Variants in DSEL observed in about 807,000 individuals in gnomAD.
DSEL encodes dermatan sulfate epimerase like, also known as dermatan-sulfate epimerase-like protein.
DSEL carries 61 observed loss-of-function variants against 96.6 expected under a neutral mutation model. The observed-to-expected ratio is 0.63, with a 90% CI of 0.51 to 0.78. DSEL has a LOEUF of 0.78. DSEL is among the 30% of genes least tolerant of loss of function. The pLI, the probability that DSEL is intolerant of heterozygous loss-of-function variation, is 0.00. For missense variants in DSEL, 1,320 were observed against 1,430.8 expected (o/e 0.92, Z 1.25); for synonymous variants, 514 against 502.0 (o/e 1.02, Z -0.32).
rs2089453938 is a variant in DSEL at position 67,513,132 on chromosome 18, TGGGTCCATAG to T, written c.1467_1476del (p.Tyr490SerfsTer2). 2 of 1,614,040 alleles carry T rather than the reference TGGGTCCATAG, an allele frequency of 1.2e-6. No homozygotes were observed. Among genetic ancestry groups the T allele is most frequent in the African/African-American group, 2.7e-5 (2 of 74,910 alleles). On this transcript the variant is annotated frameshift_variant, in exon 2 of 2. Transcript: ENST00000310045. LOFTEE classifies it high-confidence loss of function. ...AATACATTGTTAAGGTGGCTCAACTTGGGTCCATAGAGAGCTTCAGAAACAAATACTTGTC... is the reference window on the plus strand; with the variant it reads ...AATACATTGTTAAGGTGGCTCAACTTAGAGCTTCAGAAACAAATACTTGTC...
In DSEL at chr18:67,508,503, C is replaced by T. The variant is rs530312862; in HGVS notation, c.*2467G>A. ...CCCTTGGGGTGGGAGTAGGTGAGTA[C>T]AGAAACAAGTAAATACAACTCTGCA... On this transcript the variant is annotated 3_prime_UTR_variant, in exon 2 of 2. Transcript: ENST00000310045. 5 of 152,262 alleles carry T rather than the reference C, an allele frequency of 3.3e-5. No individual in the cohort carries two copies. The South Asian group carries it at 1.0e-3, about 32-fold the overall frequency. The allele number at this position is 152,262 out of a possible 1,614,324, so 9.4% of individuals were successfully genotyped here.
rs1454904988 is a variant in DSEL at position 67,512,612 on chromosome 18, T to C, written c.1997A>G (p.Asn666Ser). 3.7e-6 allele frequency: 6 copies of C among 1,613,974 alleles called. No individual in the cohort carries two copies. The change falls in exon 2 of 2, where the codon AAT (asparagine) becomes AGT (serine). Residue 666 changes from asparagine (N) to serine (S), a missense_variant. Transcript: ENST00000310045. ...TGTGGGTTCCATCTGAAAAGTAACA[T>C]TAACAAATTGAGTCCATCGTTTTTT... ...EFKKRWTQFV[N>S]VTFQMEPTIT...
In DSEL at chr18:67,511,020, T is replaced by C. The variant is rs752339273; in HGVS notation, c.3589A>G (p.Ile1197Val). 6.2e-7 allele frequency: 1 copy of C among 1,611,438 alleles called. No individual in the cohort carries two copies. The highest frequency in any genetic ancestry group is 1.3e-5 in the African/African-American group (1 of 74,782). Residue 1197 changes from isoleucine (I) to valine (V), a missense_variant, in exon 2 of 2, where the codon ATC (isoleucine) becomes GTC (valine). Physicochemically the swap from Ile to Val is conservative, Grantham distance 29. Around this residue, in one of 3 missense-constraint regions of DSEL, gnomAD observed 986 missense variants for 1,066.4 expected, o/e 0.92. Transcript: ENST00000310045. ...PRDEIKLIENICWTLMDRLGY... is the reference protein window; with the variant it reads ...PRDEIKLIENVCWTLMDRLGY... ...AGGCGATCCATCAGAGTCCAGCAGA[T>C]GTTTTCAATTAGTTTAATTTCATCT...
rs146614820 is a variant in DSEL at position 67,513,856 on chromosome 18, T to C, written c.753A>G (p.Lys251=). Residue 251 remains lysine (K), a synonymous_variant, in exon 2 of 2, where the codon AAA becomes AAG. Transcript: ENST00000310045. ...TTTCCATGACATCCACTACAGCCTG[T>C]TTCCATATATTTGCTTTAGATCCTT... ...VDKGSKANIW[K]QAVVDVMEKT... The C allele has an allele frequency of 3.1e-4, 501 of 1,614,168 alleles. No homozygotes were observed. In the Middle Eastern group the frequency reaches 3.1e-3, roughly 10 times the overall value.
chr18:67,507,346 C>CCAA lies in DSEL; in HGVS notation c.*3623_*3624insTTG, dbSNP rs2089415949. 1 of 55,002 alleles carries CCAA rather than the reference C, an allele frequency of 1.8e-5. No homozygotes were observed. The highest frequency in any genetic ancestry group is 8.0e-5 in the African/African-American group (1 of 12,564). The allele number at this position is 55,002 out of a possible 1,614,324, so 3.4% of individuals were successfully genotyped here. ...TGGGCAACAAAGTGAGACTCCATCC[C>CCAA]AAAAAAAAAAAAAAAAAAAAAAAAA... is the stretch of plus-strand genomic sequence containing the variant. On this transcript the variant is annotated 3_prime_UTR_variant, in exon 2 of 2. Transcript: ENST00000310045.
rs2089439420 is a variant in DSEL at position 67,511,138 on chromosome 18, T to C, written c.3471A>G (p.Ile1157Met). 3 of 1,614,162 alleles carry C rather than the reference T, an allele frequency of 1.9e-6. No individual in the cohort carries two copies. Among genetic ancestry groups the C allele is most frequent in the Non-Finnish European group, 2.5e-6 (3 of 1,180,022 alleles). Residue 1157 changes from isoleucine (I) to methionine (M), a missense_variant, in exon 2 of 2, where the codon ATA becomes ATG. Physicochemically the swap from Ile to Met is conservative, Grantham distance 10. Transcript: ENST00000310045. ...IPLSPASLNQ[I>M]LFATSTNLFY... is the part of the protein sequence containing the mutation. ...AAAGGTTTGTAGAGGTGGCAAACAA[T>C]ATTTGGTTTAAACTAGCAGGAGACA... is the stretch of plus-strand genomic sequence containing the variant.
rs376157550 is a variant in DSEL, at chr18:67,512,872, T to C, written c.1737A>G (p.Gln579=). 5 of 1,613,982 alleles carry C rather than the reference T, an allele frequency of 3.1e-6. No homozygotes were observed. In the African/African-American group the frequency reaches 5.3e-5, roughly 17 times the overall value. Residue 579 remains glutamine, a synonymous_variant, in exon 2 of 2, where the codon CAA becomes CAG. Coordinates refer to ENST00000310045, the MANE Select transcript of DSEL (RefSeq NM_032160.3). The part of the protein sequence containing the change: ...VYRALLLLNS[Q]TLLVVDHIER... Reference sequence around the variant, plus strand: ...CAATATGATCAACAACTAGCAGAGTTTGGGAATTTAAGAGAAGCAAAGCAC... The same window carrying C: ...CAATATGATCAACAACTAGCAGAGTCTGGGAATTTAAGAGAAGCAAAGCAC...
In DSEL at chr18:67,513,061, T is replaced by A. The variant is rs1270280295; in HGVS notation, c.1548A>T (p.Glu516Asp). Residue 516 changes from glutamate to aspartate, a missense_variant, in exon 2 of 2, where the codon GAA (glutamate) becomes GAT (aspartate). Physicochemically the swap from Glu to Asp is conservative, Grantham distance 45. Transcript: ENST00000310045. ...SPSSQCNKPW[E>D]GQLGECAQWL... is the part of the protein sequence containing the mutation. ...ACTGCGCACATTCTCCCAGTTGACC[T>A]TCCCAGGGCTTATTACACTGGCTTG... The A allele has an allele frequency of 1.2e-6, 2 of 1,614,168 alleles. No individual in the cohort carries two copies. Among genetic ancestry groups the A allele is most frequent in the Admixed American group, 1.7e-5 (1 of 60,026 alleles).
At position 67,512,578 on chromosome 18, in the gene DSEL, T is replaced by C. The variant is rs1478637121; in HGVS notation, c.2031A>G (p.Arg677=). 1 of 1,614,012 alleles carries C rather than the reference T, an allele frequency of 6.2e-7. No individual in the cohort carries two copies. The highest frequency in any genetic ancestry group is 8.5e-7 in the Non-Finnish European group (1 of 1,180,016). The change falls in exon 2 of 2, where the codon AGA becomes AGG. Residue 677 remains arginine (R), a synonymous_variant. Transcript: ENST00000310045. ...VTFQMEPTIT[R]IAYVFYGPYI... ...ATGGCCCATAAAAGACATATGCAAT[T>C]CTTGTGATTGTGGGTTCCATCTGAA...
At position 67,512,224 on chromosome 18, in the gene DSEL, A is replaced by G; in HGVS notation, c.2385T>C (p.Leu795=). The change falls in exon 2 of 2, where the codon CTT becomes CTC. Residue 795 remains leucine (L), a synonymous_variant. Coordinates refer to ENST00000310045, the MANE Select transcript of DSEL (RefSeq NM_032160.3). ...TCCATCGCATTAGTTTTCTAAAAGA[A>G]AGGTAAAAACGCCATTGGAAAGTTA... ...VILTFQWRFY[L]SFRKLMRWIL... The G allele has an allele frequency of 6.2e-7, 1 of 1,614,174 alleles. No homozygotes were observed. The highest frequency in any genetic ancestry group is 1.7e-5 in the Admixed American group (1 of 60,014).
intron 1 of DSEL, among the ~76,000 whole-genome samples, chr18:67,515,709 G>A (rs1464084000): frequency 2.0e-5 from 3 of 152,080 alleles, no homozygotes; most frequent in African/African-American, 7.2e-5. Flanking sequence ...CAGAAGACAA[G>A]CAACTAACAA....
In DSEL at chr18:67,516,637, C is replaced by G. The variant is rs2089478482; in HGVS notation, c.-1161G>C. 2 of 152,096 alleles carry G rather than the reference C, an allele frequency of 1.3e-5. No homozygotes were observed. The highest frequency in any genetic ancestry group is 4.8e-5 in the African/African-American group (2 of 41,414). 9.4% of individuals were successfully genotyped at this position (152,096 alleles called of 1,614,324 possible). A position where few individuals can be genotyped will look rare whatever the true frequency, so the allele number is the denominator to read the frequency against. Reference sequence around the variant, plus strand: ...GGACCGCAGGACAGAGACCCGCGGGCGGCGGGTTCTCTCGGTGGCGCCGTA... The same window carrying G: ...GGACCGCAGGACAGAGACCCGCGGGGGGCGGGTTCTCTCGGTGGCGCCGTA... On this transcript the variant is annotated 5_prime_UTR_variant, in exon 1 of 2. Coordinates refer to ENST00000310045, the MANE Select transcript of DSEL (RefSeq NM_032160.3). The surrounding 1 kb of genome is among the most constrained non-coding windows in gnomAD (Gnocchi z 5.6).
rs375621266 is a variant in DSEL at position 67,509,933 on chromosome 18, CTCAT to C, written c.*1033_*1036del. ...TTTGCAGACACTGGCAGTCTGTAAA[CTCAT>C]TCAAAGGGATGCAAGATAAGTCAGG... On this transcript the variant is annotated 3_prime_UTR_variant, in exon 2 of 2. Coordinates refer to ENST00000310045, the MANE Select transcript of DSEL (RefSeq NM_032160.3). The C allele has an allele frequency of 1.1e-4, 17 of 152,786 alleles. No individual in the cohort carries two copies. In the East Asian group the frequency reaches 3.1e-3, roughly 28 times the overall value. 9.5% of individuals were successfully genotyped at this position (152,786 alleles called of 1,614,324 possible). A position where few individuals can be genotyped will look rare whatever the true frequency, so the allele number is the denominator to read the frequency against.
In DSEL at chr18:67,513,357, C is replaced by T; in HGVS notation, c.1252G>A (p.Val418Ile). ...TTTGGCAACCCAGCCCCATAAGTAA[C>T]CACACCCCAGTTAGGGAATGTGTGT... The part of the protein sequence containing the change: ...KIHTFPNWGV[V>I]TYGAGLPNTQ... The change falls in exon 2 of 2, where the codon GTT (valine) becomes ATT (isoleucine). Residue 418 changes from valine (V) to isoleucine (I), a missense_variant. Physicochemically the swap from Val to Ile is conservative, Grantham distance 29. This residue lies in a region of DSEL where 986 missense variants were observed against 1,066.4 expected (regional missense o/e 0.92). Transcript: ENST00000310045. 6.2e-7 allele frequency: 1 copy of T among 1,614,146 alleles called. No individual in the cohort carries two copies. Among genetic ancestry groups the T allele is most frequent in the South Asian group, 1.1e-5 (1 of 91,074 alleles).
In DSEL at chr18:67,510,871, C is replaced by CAT; in HGVS notation, c.*98_*99insAT. ...CACTGAACACATACACGCGTGCACA[C>CAT]ACACACACACACTAAAGAATAAACA... On this transcript the variant is annotated 3_prime_UTR_variant, in exon 2 of 2. Transcript: ENST00000310045. The CAT allele has an allele frequency of 9.9e-7, 1 of 1,007,998 alleles. No homozygotes were observed. The highest frequency in any genetic ancestry group is 1.4e-6 in the Non-Finnish European group (1 of 693,954). The allele number at this position is 1,007,998 out of a possible 1,614,324, so 62.4% of individuals were successfully genotyped here. A position where few individuals can be genotyped will look rare whatever the true frequency, so the allele number is the denominator to read the frequency against.
Position 67,512,519 on chromosome 18 carries a change from C to T in DSEL, c.2090G>A (p.Ser697Asn). 6.2e-7 allele frequency: 1 copy of T among 1,614,008 alleles called. No homozygotes were observed. Among genetic ancestry groups the T allele is most frequent in the South Asian group, 1.1e-5 (1 of 91,086 alleles). Residue 697 changes from serine (S) to asparagine (N), a missense_variant, in exon 2 of 2, where the codon AGT (serine) becomes AAT (asparagine). Ser to Asn is a conservative substitution (Grantham distance 46, BLOSUM62 1). Coordinates refer to ENST00000310045, the MANE Select transcript of DSEL (RefSeq NM_032160.3). ...INVSSCRFID[S>N]SNPGLQISLN... is the part of the protein sequence containing the mutation. ...AGAAATCTGAAGTCCAGGATTGGAA[C>T]TATCAATAAATCTGCAGCTGGAGAC...
chr18:67,507,138 A>G lies in DSEL; in HGVS notation c.*3832T>C, dbSNP rs978889092. 2 of 152,054 alleles carry G rather than the reference A, an allele frequency of 1.3e-5. No individual in the cohort carries two copies. Among genetic ancestry groups the G allele is most frequent in the African/African-American group, 4.8e-5 (2 of 41,396 alleles). The allele number at this position is 152,054 out of a possible 1,614,324, so 9.4% of individuals were successfully genotyped here. A position where few individuals can be genotyped will look rare whatever the true frequency, so the allele number is the denominator to read the frequency against. ...CCCAGGTGGGCAGATCACCAGGTCA[A>G]GAGATTGAGACCAGCCTGACCAATG... On this transcript the variant is annotated 3_prime_UTR_variant, in exon 2 of 2. Transcript: ENST00000310045.
chr18:67,513,323 G>A lies in DSEL; in HGVS notation c.1286C>T (p.Thr429Ile). The change falls in exon 2 of 2, where the codon ACC becomes ATC. Residue 429 changes from threonine (T) to isoleucine (I), a missense_variant. By Grantham distance (89) the Thr-to-Ile change is moderately conservative. Coordinates refer to ENST00000310045, the MANE Select transcript of DSEL (RefSeq NM_032160.3). The stretch of plus-strand genomic sequence containing the variant: ...AGATTTAAAAGACACAAAGGTGTTG[G>A]TCTGTGTGTTTGGCAACCCAGCCCC... ...TYGAGLPNTQ[T>I]NTFVSFKSGK... 1 of 1,614,190 alleles carries A rather than the reference G, an allele frequency of 6.2e-7. No individual in the cohort carries two copies. Among genetic ancestry groups the A allele is most frequent in the East Asian group, 2.2e-5 (1 of 44,884 alleles).
chr18:67,514,175 A>G lies in DSEL; in HGVS notation c.434T>C (p.Val145Ala), dbSNP rs2089461675. 6 of 1,614,222 alleles carry G rather than the reference A, an allele frequency of 3.7e-6. No homozygotes were observed. The highest frequency in any genetic ancestry group is 4.2e-6 in the Non-Finnish European group (5 of 1,180,034). ...AACCATCCTGTCCATATATTCCAAG[A>G]CAAATTCAAAGGCAACTTTGTCTTC... ...CPEDKVAFEFVLEYMDRMVGY... is the reference protein window; with the variant it reads ...CPEDKVAFEFALEYMDRMVGY... Residue 145 changes from valine (V) to alanine (A), a missense_variant, in exon 2 of 2, where the codon GTC becomes GCC. Around this residue, in one of 3 missense-constraint regions of DSEL, gnomAD observed 323 missense variants for 333.1 expected, o/e 0.97. Transcript: ENST00000310045.
Sources: allele counts gnomAD v4.1 joint callset (sites outside exome capture counted in the v4.1 genomes callset), GRCh38; gene constraint gnomAD v4.1.1; regional missense constraint gnomAD v4.1.1; non-coding constraint Gnocchi (gnomAD v3.1); transcripts MANE v1.5; gene names NCBI Gene and HGNC (gene_info 2026-07-23, HGNC 2026-07-21).